Variants in MMGT1 observed in about 807,000 individuals in gnomAD.
MMGT1 encodes ER membrane protein complex subunit 5.
In MMGT1, 2 loss-of-function variants were observed where a neutral mutation model predicts 11.7. The observed-to-expected ratio is 0.17, with a 90% CI of 0.07 to 0.54. MMGT1 has a LOEUF of 0.54. Among genes scored for constraint, MMGT1 ranks in the 20% least tolerant of loss-of-function variants. The pLI is 0.94. For missense variants in MMGT1, 74 were observed against 109.0 expected, an observed-to-expected ratio of 0.68 and a Z score of 1.43; for synonymous variants, 49 against 44.4, an observed-to-expected ratio of 1.10 and a Z score of -0.41.
chrX:135,970,584 T>C (rs782315787), intron 2 of MMGT1, among the ~76,000 whole-genome samples: 50 of 111,829 alleles, frequency 4.5e-4, no homozygotes, highest in Non-Finnish European at 9.2e-4. Context: ...GAGAAACCTT[T>C]CCAAATCTTT....
chrX:135,967,518 C>T, intron 2 of MMGT1, 25 bp from the exon 3 acceptor site: 2 of 828,848 alleles, frequency 2.4e-6, no homozygotes, highest in Non-Finnish European at 3.5e-6. Context: ...ATTGATAATA[C>T]TAAATAACAC....
In MMGT1 at chrX:135,962,962, TAA is replaced by T. The variant is rs1221370428; in HGVS notation, c.*2060_*2061del. On this transcript the variant is annotated 3_prime_UTR_variant, in exon 4 of 4. Coordinates refer to ENST00000305963, the MANE Select transcript of MMGT1 (RefSeq NM_173470.3). ...TACCAACCACTCCCTTTCACAGCAA[TAA>T]GAGTTCTCAAGATGAGAAGAATTTT... 3 of 111,611 alleles carry T rather than the reference TAA, an allele frequency of 2.7e-5. No individual in the cohort carries two copies. The highest frequency in any genetic ancestry group is 6.5e-5 in the African/African-American group (2 of 30,672). The allele number at this position is 111,611 out of a possible 1,213,427, so 9.2% of individuals were successfully genotyped here.
At chrX:135,973,393 C>G (rs1275546617) in intron 1 of MMGT1, among the ~76,000 whole-genome samples, 1 of 112,280 alleles carries the variant, frequency 8.9e-6, no homozygotes, top group Non-Finnish European at 1.9e-5. Flanking sequence ...AACCTTCCTG[C>G]AATTTCAGGT....
rs535246314 is a variant in MMGT1 at position 135,962,759 on chromosome X, C to T, written c.*2265G>A. 8.9e-6 allele frequency: 1 copy of T among 112,166 alleles called. No homozygotes were observed. Among genetic ancestry groups the T allele is most frequent in the South Asian group, 3.7e-4 (1 of 2,725 alleles). 9.2% of individuals were successfully genotyped at this position (112,166 alleles called of 1,213,427 possible). A position where few individuals can be genotyped will look rare whatever the true frequency, so the allele number is the denominator to read the frequency against. Reference sequence around the variant, plus strand: ...GCCTGATTTTTAGCCTGATTTTTAGCAGGACTCTTCCCGACTGAGGAGGCA... The same window carrying T: ...GCCTGATTTTTAGCCTGATTTTTAGTAGGACTCTTCCCGACTGAGGAGGCA... On this transcript the variant is annotated 3_prime_UTR_variant, in exon 4 of 4. Transcript: ENST00000305963.
At chrX:135,973,552 C>G (rs1556612799) in intron 1 of MMGT1, 45 bp downstream of exon 1, 1 of 1,082,532 alleles carries the variant, frequency 9.2e-7, no homozygotes, top group South Asian at 2.0e-5. Context: ...ACACACCGCC[C>G]CTAGGGTTCC....
At chrX:135,968,663 T>C in intron 2 of MMGT1, among the ~76,000 whole-genome samples, 1 of 109,295 alleles carries the variant, frequency 9.1e-6, no homozygotes, top group Middle Eastern at 4.6e-3. Flanking sequence ...CCCAAGTAGC[T>C]AGGATTACAG....
Position 135,963,124 on chromosome X carries a change from G to C in MMGT1, c.*1900C>G, listed in dbSNP as rs1429773562. 1 of 110,969 alleles carries C rather than the reference G, an allele frequency of 9.0e-6. No individual in the cohort carries two copies. Among genetic ancestry groups the C allele is most frequent in the Admixed American group, 9.6e-5 (1 of 10,373 alleles). 9.1% of individuals were successfully genotyped at this position (110,969 alleles called of 1,213,427 possible). A position where few individuals can be genotyped will look rare whatever the true frequency, so the allele number is the denominator to read the frequency against. ...ATAGATTAGTGGTTGCCAGGGGCTCGGGGATGGGGTGGGCACTGGGAGAAA... is the reference window on the plus strand; with the variant it reads ...ATAGATTAGTGGTTGCCAGGGGCTCCGGGATGGGGTGGGCACTGGGAGAAA... On this transcript the variant is annotated 3_prime_UTR_variant, in exon 4 of 4. Coordinates refer to ENST00000305963, the MANE Select transcript of MMGT1 (RefSeq NM_173470.3).
chrX:135,970,511 C>T (rs1162476178), intron 2 of MMGT1, among the ~76,000 whole-genome samples: 1 of 112,295 alleles, frequency 8.9e-6, no homozygotes, highest in Non-Finnish European at 1.9e-5. Context: ...TAAGTCCATC[C>T]CATACTATGG....
chrX:135,972,014 G>A (rs1247781219), intron 1 of MMGT1, among the ~76,000 whole-genome samples: 1 of 112,013 alleles, frequency 8.9e-6, no homozygotes, highest in Non-Finnish European at 1.9e-5. Flanking sequence ...TGAGAATAAT[G>A]TGAGGTGAGG....
At chrX:135,965,944 CT>C (rs782626596) in intron 3 of MMGT1, among the ~76,000 whole-genome samples, 1 of 112,009 alleles carries the variant, frequency 8.9e-6, no homozygotes, top group South Asian at 3.7e-4. Context: ...CAAAAAATTC[CT>C]TTTGGCCCTC....
At chrX:135,965,520 G>A (rs781895593) in intron 3 of MMGT1, among the ~76,000 whole-genome samples, 5 of 111,185 alleles carry the variant, frequency 4.5e-5, no homozygotes, top group African/African-American at 6.5e-5. Flanking sequence ...TCTCATCTCA[G>A]CCCCCCAAGT....
In MMGT1 at chrX:135,973,796, T is replaced by C. The variant is rs936659032; in HGVS notation, c.-121A>G. 5 of 1,161,176 alleles carry C rather than the reference T, an allele frequency of 4.3e-6. No homozygotes were observed. The African/African-American group carries it at 5.5e-5, about 13-fold the overall frequency. On this transcript the variant is annotated 5_prime_UTR_variant, in exon 1 of 4. Coordinates refer to ENST00000305963, the MANE Select transcript of MMGT1 (RefSeq NM_173470.3). ...CGTCACTGAAGTCCTGAGCGCAAAG[T>C]GTCTCAGTGGTGGAAAAGCCAGAGG...
At chrX:135,969,398 T>C (rs1251846518) in intron 2 of MMGT1, among the ~76,000 whole-genome samples, 1 of 102,768 alleles carries the variant, frequency 9.7e-6, no homozygotes, top group African/African-American at 3.6e-5. Flanking sequence ...AGATCTCGAG[T>C]GCATGATCTC....
intron 2 of MMGT1, among the ~76,000 whole-genome samples, chrX:135,970,639 G>A (rs2089212883): frequency 8.9e-6 from 1 of 112,337 alleles, no homozygotes; most frequent in African/African-American, 3.2e-5. Flanking sequence ...GCCAGGCGCG[G>A]TGGCTCACTC....
At chrX:135,970,505 T>A (rs920591886) in intron 2 of MMGT1, among the ~76,000 whole-genome samples, 18 of 112,591 alleles carry the variant, frequency 1.6e-4, no homozygotes, top group South Asian at 1.4e-3. Flanking sequence ...ACTTTTTAAG[T>A]CCATCCCATA....
chrX:135,969,144 A>ATGTGTGTGTGTG lies in MMGT1; in HGVS notation c.133-1663_133-1652dup, dbSNP rs10679302. 4.6e-4 allele frequency among the ~76,000 whole-genome samples: 46 copies of ATGTGTGTGTGTG among 100,942 alleles called. 2 individuals are homozygous for ATGTGTGTGTGTG. Among genetic ancestry groups the ATGTGTGTGTGTG allele is most frequent in the South Asian group, 3.8e-3 (8 of 2,109 alleles). The allele number at this position is 100,942 out of a possible 115,157, so 87.7% of individuals were successfully genotyped here. On this transcript the variant is annotated intron_variant, in intron 2 of 3. Coordinates refer to ENST00000305963, the MANE Select transcript of MMGT1 (RefSeq NM_173470.3). The stretch of plus-strand genomic sequence containing the variant: ...CTTTAAAATAGACATAAATATGTGT[A>ATGTGTGTGTGTG]TGTGTGTGTGTGTGTGTGTGTGTGT...
chrX:135,963,778 C>A lies in MMGT1; in HGVS notation c.*1246G>T, dbSNP rs782641747. On this transcript the variant is annotated 3_prime_UTR_variant, in exon 4 of 4. Transcript: ENST00000305963. Reference sequence around the variant, plus strand: ...TGCATACAGTTATTCCCTTTTTACACCTATACAATTCAACAAAAGCAATGT... The same window carrying A: ...TGCATACAGTTATTCCCTTTTTACAACTATACAATTCAACAAAAGCAATGT... The A allele has an allele frequency of 1.8e-5, 2 of 112,382 alleles. No homozygotes were observed. The highest frequency in any genetic ancestry group is 3.7e-4 in the South Asian group (1 of 2,716). 9.3% of individuals were successfully genotyped at this position (112,382 alleles called of 1,213,427 possible).
chrX:135,965,300 T>C, intron 3 of MMGT1, 117 bp from the exon 4 acceptor site: 1 of 502,299 alleles, frequency 2.0e-6, no homozygotes, highest in East Asian at 3.5e-5. Context: ...TAACAAGTAT[T>C]AATACATGAA....
intron 1 of MMGT1, among the ~76,000 whole-genome samples, chrX:135,971,847 C>G (rs782676292): frequency 8.9e-6 from 1 of 112,314 alleles, no homozygotes; most frequent in South Asian, 3.7e-4. Context: ...TAAATCAGTG[C>G]CAGCTCTTCA....
Sources: gnomAD v4.1 joint callset for allele counts (sites outside exome capture counted in the v4.1 genomes callset) on GRCh38, gnomAD v4.1.1 for gene constraint, MANE v1.5 for transcripts, NCBI Gene and HGNC (gene_info 2026-07-23, HGNC 2026-07-21) for gene names.